The following LMO7 variants were observed in gnomAD, a reference collection of about 807,000 sequenced individuals.
LMO7 encodes LIM domain 7.
In LMO7, 120 loss-of-function variants were observed where a neutral mutation model predicts 206.5. The ratio of observed to expected loss-of-function variants is 0.58; its 90% CI spans 0.50 to 0.68. The LOEUF (loss-of-function observed/expected upper bound fraction) is 0.68, where lower values mean the gene tolerates loss of function less well. LMO7 is among the 30% of genes least tolerant of loss of function. LMO7 has a pLI of 0.00. For synonymous variants in LMO7, 706 were observed against 681.5 expected (o/e 1.04, Z -0.56); for missense variants, 1,959 against 1,957.9 (o/e 1.00, Z -0.01).
chr13:75,794,093 C>T (rs75500660), intron 4 of LMO7, among the ~76,000 whole-genome samples: 3 of 152,024 alleles, frequency 2.0e-5, no homozygotes, highest in Admixed American at 6.5e-5. Flanking sequence ...GTTTTTGTTG[C>T]GATGAATAGT....
At position 75,696,041 on chromosome 13, in the gene LMO7, G is replaced by C. The variant is rs534853141; in HGVS notation, c.70-17141G>C. ...GAGAACAGAAACTGATTTCATGCCTGATTTCCTTACATTTCCAGTAAAGAA... is the reference window on the plus strand; with the variant it reads ...GAGAACAGAAACTGATTTCATGCCTCATTTCCTTACATTTCCAGTAAAGAA... On this transcript the variant is annotated intron_variant, in intron 1 of 30. Transcript: ENST00000377534. Among the ~76,000 whole-genome samples the C allele has an allele frequency of 2.6e-5, 4 of 152,266 alleles. No individual in the cohort carries two copies. In the South Asian group the frequency reaches 8.3e-4, roughly 32 times the overall value.
At chr13:75,628,880 C>G (rs1215380550) in intron 2 of LMO7, among the ~76,000 whole-genome samples, 2 of 152,222 alleles carry the variant, frequency 1.3e-5, no homozygotes, top group African/African-American at 4.8e-5. Flanking sequence ...CACCCTACCC[C>G]ACCACTTGCT....
In LMO7 at chr13:75,821,471, A is replaced by G; in HGVS notation, c.2502A>G (p.Gln834=). The change falls in exon 14 of 31, where the codon CAA becomes CAG. Residue 834 remains glutamine, a synonymous_variant. Coordinates refer to ENST00000377534, the MANE Select transcript of LMO7 (RefSeq NM_001306080.2). The part of the protein sequence containing the change: ...SLSSLRSRST[Q]MESTRVSASL... The stretch of plus-strand genomic sequence containing the variant: ...CTTCTCTGCGTTCACGGAGCACACA[A>G]ATGGAATCAACTCGTGTTTCAGCTT... The G allele has an allele frequency of 1.9e-6, 3 of 1,614,188 alleles. No individual in the cohort carries two copies. Among genetic ancestry groups the G allele is most frequent in the South Asian group, 1.1e-5 (1 of 91,076 alleles).
At chr13:75,848,157 C>T (rs945911189) in intron 26 of LMO7, among the ~76,000 whole-genome samples, 1 of 152,000 alleles carries the variant, frequency 6.6e-6, no homozygotes, top group Non-Finnish European at 1.5e-5. Flanking sequence ...TTTTGGTGCA[C>T]CCATCTCTCG....
chr13:75,630,420 C>T (rs547187373), intron 2 of LMO7, among the ~76,000 whole-genome samples: 2 of 152,300 alleles, frequency 1.3e-5, no homozygotes, highest in East Asian at 1.9e-4. Context: ...CGCCTGTAAT[C>T]CCAACACTTT....
chr13:75,799,476 A>G (rs2054467309), intron 6 of LMO7, among the ~76,000 whole-genome samples: 1 of 152,172 alleles, frequency 6.6e-6, no homozygotes, highest in South Asian at 2.1e-4. Context: ...TGCATCTCCT[A>G]AGAATATGAA....
At chr13:75,755,516 T>G (rs925992689) in intron 3 of LMO7, among the ~76,000 whole-genome samples, 1 of 152,160 alleles carries the variant, frequency 6.6e-6, no homozygotes, top group Non-Finnish European at 1.5e-5. Flanking sequence ...CTTCTTTCTC[T>G]TTGCTATCAG....
At chr13:75,761,071 A>G (rs1257984594) in intron 4 of LMO7, 33 bp downstream of exon 4, 1 of 1,307,890 alleles carries the variant, frequency 7.6e-7, no homozygotes, top group East Asian at 2.5e-5. Flanking sequence ...ATATATATAT[A>G]TATATTTAAA....
At chr13:75,801,901 G>C (rs2054784647) in intron 7 of LMO7, among the ~76,000 whole-genome samples, 1 of 152,094 alleles carries the variant, frequency 6.6e-6, no homozygotes, top group African/African-American at 2.4e-5. Context: ...TGTATTCGCT[G>C]CCTAATTCCA....
chr13:75,845,530 C>A, intron 26 of LMO7, 151 bp downstream of exon 26: 1 of 522,772 alleles, frequency 1.9e-6, no homozygotes. Context: ...ATAAAAACAG[C>A]AAAACAACTA....
chr13:75,765,976 G>C (rs1295362130), intron 4 of LMO7, among the ~76,000 whole-genome samples: 1 of 152,062 alleles, frequency 6.6e-6, no homozygotes, highest in African/African-American at 2.4e-5. Context: ...CCTATCTTAT[G>C]TTCATTACTG....
intron 1 of LMO7, among the ~76,000 whole-genome samples, chr13:75,712,856 A>T (rs894326420): frequency 6.6e-6 from 1 of 152,188 alleles, no homozygotes; most frequent in Non-Finnish European, 1.5e-5. Flanking sequence ...TAGATCACCC[A>T]TAGGTTTTTA....
chr13:75,759,052 G>A (rs922445965), intron 3 of LMO7, among the ~76,000 whole-genome samples: 4 of 152,178 alleles, frequency 2.6e-5, no homozygotes, highest in Non-Finnish European at 4.4e-5. Flanking sequence ...CATGGGGGAA[G>A]GGGAGGCAGA....
chr13:75,694,280 G>A (rs770400102), intron 1 of LMO7, among the ~76,000 whole-genome samples: 8 of 152,126 alleles, frequency 5.3e-5, no homozygotes, highest in Non-Finnish European at 1.0e-4. Flanking sequence ...GGGGAAAGAC[G>A]TAATTGGAAT....
At chr13:75,806,171 CA>C in intron 9 of LMO7, 1 of 995,982 alleles carries the variant, frequency 1.0e-6, no homozygotes, top group African/African-American at 1.7e-5. Context: ...CAAAGACCTT[CA>C]CTCTTGCTGG....
intron 1 of LMO7, chr13:75,688,489 A>C (rs145713431): frequency 1.8e-3 from 274 of 152,374 alleles, no homozygotes; most frequent in African/African-American, 6.2e-3. Context: ...ATTTAACACA[A>C]GCAGGAACAT....
chr13:75,850,801 A>C (rs1424103175), intron 27 of LMO7, among the ~76,000 whole-genome samples: 1 of 151,136 alleles, frequency 6.6e-6, no homozygotes, highest in Non-Finnish European at 1.5e-5. Flanking sequence ...GGTTTCTGCC[A>C]CACATTCTTT....
At chr13:75,775,171 A>G (rs902547416) in intron 4 of LMO7, among the ~76,000 whole-genome samples, 2 of 152,094 alleles carry the variant, frequency 1.3e-5, no homozygotes, top group African/African-American at 4.8e-5. Flanking sequence ...AAACTCATTG[A>G]GTTGAGCCTT....
chr13:75,677,608 C>T (rs544485916), intron 1 of LMO7, among the ~76,000 whole-genome samples: 1 of 150,270 alleles, frequency 6.7e-6, no homozygotes, highest in East Asian at 1.9e-4. Context: ...ATTTCTTGTG[C>T]GTCCCAATAG....
Sources: allele counts gnomAD v4.1 joint callset (sites outside exome capture counted in the v4.1 genomes callset), GRCh38; gene constraint gnomAD v4.1.1; transcripts MANE v1.5; gene names NCBI Gene and HGNC (gene_info 2026-07-23, HGNC 2026-07-21).